The following MKRN2OS variants were observed in gnomAD, a reference collection of about 807,000 sequenced individuals.
The protein encoded by MKRN2OS is MKRN2 opposite strand protein.
A neutral mutation model predicts 18.2 loss-of-function variants in MKRN2OS; 17 were observed. The observed-to-expected ratio is 0.93, with a 90% CI of 0.64 to 1.40. MKRN2OS has a LOEUF of 1.40. MKRN2OS is among the 40% of genes most tolerant of loss of function. The pLI is 0.00. For missense variants in MKRN2OS, 337 were observed against 283.0 expected (o/e 1.19, Z -1.37); for synonymous variants, 121 against 108.5 (o/e 1.12, Z -0.72).
chr3:12,542,804 G>A (rs1303792019), intron 2 of MKRN2OS, among the ~76,000 whole-genome samples: 2 of 151,910 alleles, frequency 1.3e-5, no homozygotes, highest in Admixed American at 1.3e-4. Flanking sequence ...GTGGTAGTCG[G>A]CTGAGCATAG....
downstream of MKRN2OS, among the ~76,000 whole-genome samples, chr3:12,550,784 T>C (rs1314107235): frequency 6.6e-6 from 1 of 152,188 alleles, no homozygotes; most frequent in Non-Finnish European, 1.5e-5. Context: ...TCACTGCCGG[T>C]AACTCGGACA....
chr3:12,545,624 A>C (rs1203064652), upstream of MKRN2OS: 2 of 531,454 alleles, frequency 3.8e-6, no homozygotes, highest in East Asian at 6.3e-5. Flanking sequence ...ACCAGTAGCC[A>C]GGCCTCCCCA....
chr3:12,547,559 A>T (rs910498108), upstream of MKRN2OS, among the ~76,000 whole-genome samples: 3 of 152,088 alleles, frequency 2.0e-5, no homozygotes, highest in African/African-American at 7.2e-5. Context: ...AACCCTCAAT[A>T]TTGTTATATT....
chr3:12,559,165 C>T (rs1377611521), intron 1 of MKRN2OS, among the ~76,000 whole-genome samples: 2 of 152,158 alleles, frequency 1.3e-5, no homozygotes, highest in African/African-American at 4.8e-5. Context: ...GGAGTCAGGG[C>T]TCCCGATGAC....
chr3:12,557,463 C>T (rs1427116069), intron 1 of MKRN2OS, among the ~76,000 whole-genome samples: 2 of 152,172 alleles, frequency 1.3e-5, no homozygotes, highest in South Asian at 2.1e-4. Flanking sequence ...CAGGGCCGTG[C>T]AGGATGCCGG....
At position 12,540,452 on chromosome 3, in the gene MKRN2OS, G is replaced by T; in HGVS notation, c.432-19C>A. 6.5e-7 allele frequency: 1 copy of T among 1,535,914 alleles called. No individual in the cohort carries two copies. Among genetic ancestry groups the T allele is most frequent in the Non-Finnish European group, 8.7e-7 (1 of 1,146,736 alleles). On this transcript the variant is annotated intron_variant, in intron 3 of 3. Coordinates refer to ENST00000564146, the MANE Select transcript of MKRN2OS (RefSeq NM_001195279.2). ...TTCATACCTTATGGAGGAGAATAAG[G>T]GTGTTGAGAAGAAAAGGCTGCTCAG...
At chr3:12,548,604 C>T (rs930808447), upstream of MKRN2OS, among the ~76,000 whole-genome samples, 4 of 152,148 alleles carry the variant, frequency 2.6e-5, no homozygotes, top group African/African-American at 9.7e-5. Flanking sequence ...TGCACTCCAG[C>T]CTGGGCTCCA....
intron 1 of MKRN2OS, chr3:12,557,055 C>T: frequency 8.5e-7 from 1 of 1,179,928 alleles, no homozygotes; most frequent in Non-Finnish European, 1.1e-6. Flanking sequence ...GCCGGCGTGA[C>T]GCGGCTACGC....
At chr3:12,554,841 C>T (rs778904146) in intron 1 of MKRN2OS, among the ~76,000 whole-genome samples, 38 of 152,208 alleles carry the variant, frequency 2.5e-4, no homozygotes, top group African/African-American at 8.0e-4. Context: ...AATTTGATAA[C>T]AGTGGCCAGG....
At chr3:12,559,760 C>A (rs561956711) in intron 1 of MKRN2OS, among the ~76,000 whole-genome samples, 1 of 152,188 alleles carries the variant, frequency 6.6e-6, no homozygotes, top group Non-Finnish European at 1.5e-5. Context: ...TCCCCTCCCC[C>A]ACAACCATCT....
At chr3:12,541,834 A>T in intron 3 of MKRN2OS, 26 bp downstream of exon 3, 1 of 1,530,554 alleles carries the variant, frequency 6.5e-7, no homozygotes, top group South Asian at 1.2e-5. Flanking sequence ...AGTGTCAGCG[A>T]GGGGGCAGCA....
In MKRN2OS at chr3:12,540,153, C is replaced by G; in HGVS notation, c.*40G>C. ...CATAGTACTGATTAAAGGTAGCAAC[C>G]ACCCTACCCTCCAGCGTCCAGGCTG... On this transcript the variant is annotated 3_prime_UTR_variant, in exon 4 of 4. Transcript: ENST00000564146. 1 of 1,535,400 alleles carries G rather than the reference C, an allele frequency of 6.5e-7. No individual in the cohort carries two copies. The highest frequency in any genetic ancestry group is 2.4e-5 in the East Asian group (1 of 40,910).
rs2057780703 is a variant in MKRN2OS, at chr3:12,540,440, G to A, written c.432-7C>T. 6.5e-7 allele frequency: 1 copy of A among 1,536,002 alleles called. No individual in the cohort carries two copies. The highest frequency in any genetic ancestry group is 1.4e-5 in the African/African-American group (1 of 73,038). ...ATGGTGGTTGTCTTCATACCTTATG[G>A]AGGAGAATAAGGGTGTTGAGAAGAA... is the stretch of plus-strand genomic sequence containing the variant. On this transcript the variant is annotated splice_polypyrimidine_tract_variant and splice_region_variant and intron_variant, in intron 3 of 3. Coordinates refer to ENST00000564146, the MANE Select transcript of MKRN2OS (RefSeq NM_001195279.2).
chr3:12,557,054 A>G (rs955129846), intron 1 of MKRN2OS: 23 of 743,516 alleles, frequency 3.1e-5, no homozygotes, highest in East Asian at 5.8e-5. Context: ...CGCCGGCGTG[A>G]CGCGGCTACG....
intron 3 of MKRN2OS, 136 bp from the exon 4 acceptor site, chr3:12,540,569 G>T: frequency 9.8e-7 from 1 of 1,024,524 alleles, no homozygotes; most frequent in Non-Finnish European, 1.4e-6. Flanking sequence ...ATGTGGTTAA[G>T]AAGCTTCAAG....
intron 1 of MKRN2OS, 141 bp downstream of exon 1, chr3:12,545,106 A>C: frequency 1.6e-6 from 1 of 629,102 alleles, no homozygotes; most frequent in Non-Finnish European, 2.7e-6. Flanking sequence ...GTAGGACTGC[A>C]TCTCAGGATT....
At chr3:12,542,429 A>G (rs976155038) in intron 2 of MKRN2OS, among the ~76,000 whole-genome samples, 1 of 152,220 alleles carries the variant, frequency 6.6e-6, no homozygotes, top group Admixed American at 6.5e-5. Context: ...AGTGGTAAGT[A>G]TGACTGTTCT....
Position 12,540,310 on chromosome 3 carries a change from C to T in MKRN2OS, c.555G>A (p.Arg185=). ...GEFTEKYVVP[R]TRLASKFITL... ...TGATGAACTTGGATGCCAGCCTTGT[C>T]CGCGGGACCACGTACTTCTCCGTAA... is the stretch of plus-strand genomic sequence containing the variant. Residue 185 remains arginine (R), a synonymous_variant, in exon 4 of 4, where the codon CGG becomes CGA. Transcript: ENST00000564146. The T allele has an allele frequency of 6.5e-7, 1 of 1,536,090 alleles. No individual in the cohort carries two copies. The highest frequency in any genetic ancestry group is 8.7e-7 in the Non-Finnish European group (1 of 1,146,914).
chr3:12,548,380 G>A (rs574736164), upstream of MKRN2OS, among the ~76,000 whole-genome samples: 9 of 137,904 alleles, frequency 6.5e-5, no homozygotes, highest in Non-Finnish European at 9.2e-5. Flanking sequence ...CCCGGGAGGC[G>A]GAGCTTGCAG....
Sources: gnomAD v4.1 joint callset for allele counts (sites outside exome capture counted in the v4.1 genomes callset) on GRCh38, gnomAD v4.1.1 for gene constraint, MANE v1.5 for transcripts, NCBI Gene and HGNC (gene_info 2026-07-23, HGNC 2026-07-21) for gene names.